Variants in DAPK2 observed in about 807,000 individuals in gnomAD.
DAPK2 encodes the protein death associated protein kinase 2, also known as death-associated protein kinase 2.
In DAPK2, 35 loss-of-function variants were observed where a neutral mutation model predicts 44.1. The observed-to-expected ratio is 0.79, with a 90% CI of 0.61 to 1.05. DAPK2 has a LOEUF of 1.05. Among genes scored for constraint, DAPK2 ranks in the 50% least tolerant of loss-of-function variants. The pLI is 0.00. For synonymous variants in DAPK2, 174 were observed against 182.6 expected (o/e 0.95, Z 0.38); for missense variants, 453 against 483.2 (o/e 0.94, Z 0.59).
rs2077253513 is a variant in DAPK2, at chr15:63,939,566, G to A, written c.454-205C>T. ...AACCCAAAGACAGGTAAAGCATTGA[G>A]GGCAAGGCCTGGGTTTTACCAAACC... On this transcript the variant is annotated intron_variant, in intron 3 of 10. Transcript: ENST00000261891. The surrounding 1 kb of genome is among the most constrained non-coding windows in gnomAD (Gnocchi z 4.3). 6.6e-6 allele frequency among the ~76,000 whole-genome samples: 1 copy of A among 152,152 alleles called. No individual in the cohort carries two copies. Among genetic ancestry groups the A allele is most frequent in the Non-Finnish European group, 1.5e-5 (1 of 68,032 alleles).
chr15:64,045,624 G>A (rs1235823321), intron 1 of DAPK2, among the ~76,000 whole-genome samples: 1 of 152,204 alleles, frequency 6.6e-6, no homozygotes, highest in Non-Finnish European at 1.5e-5. Flanking sequence ...CTTTTGTAAA[G>A]TAAGAATACC....
rs896493834 is a variant in DAPK2 at position 63,908,858 on chromosome 15, A to C, written c.1033-258T>G. 8 of 297,560 alleles carry C rather than the reference A, an allele frequency of 2.7e-5. No individual in the cohort carries two copies. The highest frequency in any genetic ancestry group is 3.7e-5 in the Non-Finnish European group (6 of 160,906). The allele number at this position is 297,560 out of a possible 1,614,324, so 18.4% of individuals were successfully genotyped here. Reference sequence around the variant, plus strand: ...ACCAGACATCAGGAGAGGCCAAATTATAATAAAGAAAATTACATCTAGTTC... The same window carrying C: ...ACCAGACATCAGGAGAGGCCAAATTCTAATAAAGAAAATTACATCTAGTTC... On this transcript the variant is annotated intron_variant, in intron 10 of 10. Coordinates refer to ENST00000261891, the Ensembl canonical transcript of DAPK2. This position sits in a 1 kb window ranked among gnomAD's most constrained non-coding sequence, Gnocchi z 5.7.
intron 1 of DAPK2, among the ~76,000 whole-genome samples, chr15:63,988,681 T>C (rs931503437): frequency 6.6e-6 from 1 of 151,726 alleles, no homozygotes; most frequent in Non-Finnish European, 1.5e-5. Flanking sequence ...TTTTTTTCTA[T>C]TTTTAGTAGA....
At chr15:63,964,170 G>C (rs551213381) in intron 3 of DAPK2, among the ~76,000 whole-genome samples, 112 of 152,254 alleles carry the variant, frequency 7.4e-4, no homozygotes, top group Non-Finnish European at 1.3e-3. Flanking sequence ...TTCTTTGTCT[G>C]GGAAAGTCTT....
At chr15:63,949,399 A>G (rs1223861163) in intron 3 of DAPK2, among the ~76,000 whole-genome samples, 1 of 152,188 alleles carries the variant, frequency 6.6e-6, no homozygotes. Flanking sequence ...TAAGCAGCAC[A>G]CTGGCTTTAT....
intron 1 of DAPK2, among the ~76,000 whole-genome samples, chr15:64,037,691 C>A (rs1321841960): frequency 2.0e-5 from 3 of 152,186 alleles, no homozygotes. Context: ...CATTCAAAGG[C>A]AGCTCTAGTT....
At position 63,924,835 on chromosome 15, in the gene DAPK2, AG is replaced by A. The variant is rs1235680565; in HGVS notation, c.838del (p.Leu280SerfsTer53). The stretch of plus-strand genomic sequence containing the variant: ...CCTTACCGTGATCCAGGGGTGTCTG[AG>A]AGCCTCTTGGATTGTGAGCCGTTTC... On this transcript the variant is annotated frameshift_variant, in exon 8 of 11. Coordinates refer to ENST00000261891, the Ensembl canonical transcript of DAPK2. LOFTEE classifies it high-confidence loss of function. 5.6e-6 allele frequency: 9 copies of A among 1,614,116 alleles called. No individual in the cohort carries two copies. The Admixed American group carries it at 1.5e-4, about 27-fold the overall frequency.
chr15:63,912,170 G>A lies in DAPK2; in HGVS notation c.886C>T (p.Arg296Cys), dbSNP rs144968721. The A allele has an allele frequency of 5.3e-5, 86 of 1,613,460 alleles. No homozygotes were observed. The highest frequency in any genetic ancestry group is 3.1e-4 in the East Asian group (14 of 44,824). ...TCCAGATTGACCACAGACTCCCTGC[G>A]CACCATGGCTTGCTGGTTGTCCACC... The change falls in exon 9 of 11, where the codon CGC becomes TGC. Residue 296 changes from arginine to cysteine, a missense_variant. Transcript: ENST00000261891. The surrounding 1 kb of genome is among the most constrained non-coding windows in gnomAD (Gnocchi z 4.4).
chr15:64,008,859 A>G (rs1467563598), intron 1 of DAPK2, among the ~76,000 whole-genome samples: 5 of 152,180 alleles, frequency 3.3e-5, no homozygotes, highest in East Asian at 1.9e-4. Context: ...CTGTCATCCA[A>G]TCAAGGGTGT....
intron 4 of DAPK2, among the ~76,000 whole-genome samples, chr15:63,938,190 T>C (rs2077214271): frequency 6.6e-6 from 1 of 152,206 alleles, no homozygotes; most frequent in South Asian, 2.1e-4. Context: ...AGAGACAACC[T>C]GGCATAATGG....
chr15:63,923,030 T>G lies in DAPK2; in HGVS notation c.858+1786A>C. The G allele has an allele frequency of 1.3e-6, 2 of 1,535,856 alleles. No homozygotes were observed. Among genetic ancestry groups the G allele is most frequent in the Non-Finnish European group, 8.7e-7 (1 of 1,146,730 alleles). On this transcript the variant is annotated intron_variant, in intron 8 of 10. Coordinates refer to ENST00000261891, the Ensembl canonical transcript of DAPK2. This position sits in a 1 kb window ranked among gnomAD's most constrained non-coding sequence, Gnocchi z 4.2. The stretch of plus-strand genomic sequence containing the variant: ...CTTCAATGACTCCACCTTGCGGAAC[T>G]CATACCTGAGCTGGGACAGGTCATG...
intron 4 of DAPK2, chr15:63,932,429 GCA>G (rs2076987955): frequency 7.8e-6 from 1 of 127,642 alleles, no homozygotes; most frequent in South Asian, 2.3e-4. Flanking sequence ...TTGTGCCATC[GCA>G]CTCCAGCCTG....
Position 63,966,340 on chromosome 15 carries a change from T to C in DAPK2, c.453+5083A>G, listed in dbSNP as rs1178731118. Among the ~76,000 whole-genome samples, 1 of 152,168 alleles carries C rather than the reference T, an allele frequency of 6.6e-6. No individual in the cohort carries two copies. Among genetic ancestry groups the C allele is most frequent in the Non-Finnish European group, 1.5e-5 (1 of 68,032 alleles). On this transcript the variant is annotated intron_variant, in intron 3 of 10. Transcript: ENST00000261891. This position sits in a 1 kb window ranked among gnomAD's most constrained non-coding sequence, Gnocchi z 5.5. ...GTCCTCTTCACTTTTCCCTCTTTTCTCCTCAAGTGGAGGGAAGGATTCTCT... is the reference window on the plus strand; with the variant it reads ...GTCCTCTTCACTTTTCCCTCTTTTCCCCTCAAGTGGAGGGAAGGATTCTCT...
At chr15:63,981,126 G>C (rs982121748) in intron 2 of DAPK2, among the ~76,000 whole-genome samples, 2 of 151,012 alleles carry the variant, frequency 1.3e-5, no homozygotes, top group African/African-American at 4.9e-5. Context: ...GGTTATGAGG[G>C]CTCTGTCCTT....
intron 3 of DAPK2, among the ~76,000 whole-genome samples, chr15:63,946,023 C>T (rs1191071728): frequency 6.6e-6 from 1 of 152,228 alleles, no homozygotes; most frequent in African/African-American, 2.4e-5. Context: ...ATACTTCACC[C>T]ACATACCTGA....
intron 8 of DAPK2, chr15:63,918,434 A>G (rs567178011): frequency 1.3e-5 from 2 of 152,438 alleles, no homozygotes; most frequent in East Asian, 3.9e-4. Flanking sequence ...GCCTTCCCCA[A>G]GGGCCAGCTT....
Position 64,046,285 on chromosome 15 carries a change from G to T in DAPK2, c.-7+13C>A, listed in dbSNP as rs954339844. On this transcript the variant is annotated intron_variant, in intron 1 of 11. Coordinates refer to the DAPK2 transcript ENST00000457488. This position sits in a 1 kb window ranked among gnomAD's most constrained non-coding sequence, Gnocchi z 5.3. ...CGTCCCGCCCATCGAGCCCGCAGAC[G>T]GGTGCTACTCACGGCGGGAGGCTGA... 6.8e-5 allele frequency: 67 copies of T among 978,450 alleles called. No individual in the cohort carries two copies. Among genetic ancestry groups the T allele is most frequent in the Admixed American group, 6.3e-5 (1 of 15,864 alleles). The allele number at this position is 978,450 out of a possible 1,614,324, so 60.6% of individuals were successfully genotyped here.
upstream of DAPK2, among the ~76,000 whole-genome samples, chr15:64,041,692 A>G (rs2080356812): frequency 1.3e-5 from 2 of 152,246 alleles, no homozygotes; most frequent in South Asian, 4.1e-4. Flanking sequence ...TATTTTCACC[A>G]GGCTGGGTGG....
Position 64,024,951 on chromosome 15 carries a change from C to A in DAPK2, c.92+15219G>T, listed in dbSNP as rs111669467. 2.6e-3 allele frequency among the ~76,000 whole-genome samples: 403 copies of A among 152,186 alleles called. 1 individual carries two copies. Among genetic ancestry groups the A allele is most frequent in the African/African-American group, 9.2e-3 (382 of 41,532 alleles). ...AGGCCTCAGGGTTAGAAGCTGCCAG[C>A]AAGGAGGTGGAGGTGAGCAGGGAGG... On this transcript the variant is annotated intron_variant, in intron 1 of 10. Transcript: ENST00000261891.
Sources: allele counts gnomAD v4.1 joint callset (sites outside exome capture counted in the v4.1 genomes callset), GRCh38; gene constraint gnomAD v4.1.1; non-coding constraint Gnocchi (gnomAD v3.1); transcripts MANE v1.5; gene names NCBI Gene and HGNC (gene_info 2026-07-23, HGNC 2026-07-21).